CERS3: variants seen among roughly 807,000 people sequenced by gnomAD.
The protein encoded by CERS3 is ceramide synthase 3, also known as LAG1 homolog, ceramide synthase 3.
CERS3 carries 33 observed loss-of-function variants against 50.3 expected under a neutral mutation model. That is an observed-to-expected ratio of 0.66 (90% CI 0.50 to 0.88). CERS3 has a LOEUF of 0.88. Among genes scored for constraint, CERS3 ranks in the 40% least tolerant of loss-of-function variants. The pLI is 0.00. For missense variants in CERS3, 470 were observed against 460.3 expected, an observed-to-expected ratio of 1.02 and a Z score of -0.19; for synonymous variants, 176 against 155.2, an observed-to-expected ratio of 1.13 and a Z score of -0.99.
chr15:100,478,432 A>T (rs2035201784), intron 7 of CERS3, among the ~76,000 whole-genome samples: 1 of 151,996 alleles, frequency 6.6e-6, no homozygotes, highest in Non-Finnish European at 1.5e-5. Flanking sequence ...CATGTAGTTT[A>T]TGACTCACAG....
At chr15:100,433,199 G>A (rs1279405339) in intron 11 of CERS3, among the ~76,000 whole-genome samples, 1 of 149,968 alleles carries the variant, frequency 6.7e-6, no homozygotes, top group Non-Finnish European at 1.5e-5. Context: ...TCGCACTGCT[G>A]CACTCTGGCC....
chr15:100,435,677 T>G (rs2033367987), intron 11 of CERS3, among the ~76,000 whole-genome samples: 2 of 152,026 alleles, frequency 1.3e-5, no homozygotes, highest in Non-Finnish European at 2.9e-5. Flanking sequence ...AGCATCAGAG[T>G]GAACAGGCCA....
chr15:100,460,746 A>G (rs1596700211), intron 10 of CERS3, among the ~76,000 whole-genome samples: 2 of 152,282 alleles, frequency 1.3e-5, no homozygotes, highest in East Asian at 3.9e-4. Context: ...GCCCCTTACT[A>G]GGTCCCCTAT....
In CERS3 at chr15:100,466,737, TTTCCTTCCTTCCTTCC is replaced by T. The variant is rs1197426230; in HGVS notation, c.845+2625_845+2640del. Reference sequence around the variant, plus strand: ...CTGATTTTCTTATCTTCTTTCCTTCTTTCCTTCCTTCCTTCCTTCCTTCCTTCCTTCCTTCCTTCCT... The same window carrying T: ...CTGATTTTCTTATCTTCTTTCCTTCTTTCCTTCCTTCCTTCCTTCCTTCCT... On this transcript the variant is annotated intron_variant, in intron 10 of 11. Coordinates refer to ENST00000679737, the MANE Select transcript of CERS3 (RefSeq NM_001378789.1). Among the ~76,000 whole-genome samples the T allele has an allele frequency of 1.1e-4, 8 of 74,296 alleles. 1 individual carries two copies. Among genetic ancestry groups the T allele is most frequent in the East Asian group, 9.7e-4 (2 of 2,072 alleles). 48.7% of individuals were successfully genotyped at this position (74,296 alleles called of 152,430 possible).
intron 2 of CERS3, among the ~76,000 whole-genome samples, chr15:100,503,222 T>C (rs1005499579): frequency 1.3e-5 from 2 of 152,146 alleles, no homozygotes; most frequent in African/African-American, 4.8e-5. Context: ...AAGGCGCACA[T>C]AGAAAACTAC....
chr15:100,514,451 T>A (rs1596795478), intron 2 of CERS3, among the ~76,000 whole-genome samples: 1 of 152,254 alleles, frequency 6.6e-6, no homozygotes, highest in South Asian at 2.1e-4. Context: ...AGATAATAAA[T>A]TTTAGGAGTC....
chr15:100,474,354 T>C (rs575394774), intron 8 of CERS3, among the ~76,000 whole-genome samples: 130 of 152,330 alleles, frequency 8.5e-4, no homozygotes, highest in Non-Finnish European at 1.4e-3. Context: ...GTAAATACAA[T>C]ACCAATAATA....
intron 11 of CERS3, among the ~76,000 whole-genome samples, chr15:100,433,496 G>A (rs2033237310): frequency 6.6e-6 from 1 of 152,176 alleles, no homozygotes; most frequent in East Asian, 1.9e-4. Flanking sequence ...TCCAGTAACA[G>A]GTTAATGTCC....
intron 3 of CERS3, among the ~76,000 whole-genome samples, chr15:100,493,941 T>C (rs1040879438): frequency 2.6e-5 from 4 of 152,014 alleles, no homozygotes; most frequent in Non-Finnish European, 4.4e-5. Context: ...TCCAGTTCTT[T>C]GAACATATTT....
At chr15:100,465,252 A>G (rs1354929297) in intron 10 of CERS3, among the ~76,000 whole-genome samples, 1 of 152,164 alleles carries the variant, frequency 6.6e-6, no homozygotes, top group African/African-American at 2.4e-5. Flanking sequence ...GCCACCCTCC[A>G]ATGATACCTA....
chr15:100,409,670 TG>T (rs1473121312), intron 11 of CERS3, among the ~76,000 whole-genome samples: 1 of 152,224 alleles, frequency 6.6e-6, no homozygotes, highest in East Asian at 1.9e-4. Flanking sequence ...AAAATCAGCG[TG>T]AGTCCGTTTC....
chr15:100,485,082 CTTGTCCAAAACCTAAAA>C (rs2035446607), intron 4 of CERS3, among the ~76,000 whole-genome samples: 1 of 152,160 alleles, frequency 6.6e-6, no homozygotes, highest in African/African-American at 2.4e-5. Context: ...AGTTCAGTGA[CTTGTCCAAAACCTAAAA>C]TTAGAAGCAA....
At chr15:100,432,034 T>G (rs1013061508) in intron 11 of CERS3, among the ~76,000 whole-genome samples, 1 of 151,762 alleles carries the variant, frequency 6.6e-6, no homozygotes, top group Non-Finnish European at 1.5e-5. Context: ...CTGCCTTGTA[T>G]AGCATACTCC....
intron 11 of CERS3, among the ~76,000 whole-genome samples, chr15:100,416,127 G>GA (rs200322906): frequency 1.0e-5 from 1 of 98,122 alleles, no homozygotes; most frequent in Non-Finnish European, 2.4e-5. Flanking sequence ...CACAGAATTA[G>GA]AAAAATTATA....
chr15:100,404,237 G>A (rs1404491730), intron 11 of CERS3, among the ~76,000 whole-genome samples: 1 of 152,218 alleles, frequency 6.6e-6, no homozygotes, highest in Non-Finnish European at 1.5e-5. Flanking sequence ...TGAACTGTGA[G>A]AGAATACATT....
chr15:100,506,928 T>C (rs1196468582), intron 2 of CERS3, among the ~76,000 whole-genome samples: 1 of 152,210 alleles, frequency 6.6e-6, no homozygotes, highest in Non-Finnish European at 1.5e-5. Flanking sequence ...AATGGGTGAA[T>C]TGCATGGTAT....
intron 2 of CERS3, among the ~76,000 whole-genome samples, chr15:100,508,213 G>C (rs1464711296): frequency 6.6e-6 from 1 of 152,022 alleles, no homozygotes; most frequent in African/African-American, 2.4e-5. Context: ...GCTGACAGTG[G>C]GCACTCATTT....
Position 100,493,051 on chromosome 15 carries a change from T to C in CERS3, c.174-2120A>G, listed in dbSNP as rs185092980. ...TTCTGATCAACACAGATTTAGATTA[T>C]TGTTTTATACAATTGCCTTTTAAAT... On this transcript the variant is annotated intron_variant, in intron 3 of 11. Transcript: ENST00000679737. 2.9e-4 allele frequency among the ~76,000 whole-genome samples: 44 copies of C among 152,350 alleles called. 1 individual carries two copies. Among genetic ancestry groups the C allele is most frequent in the African/African-American group, 1.0e-3 (43 of 41,600 alleles).
At chr15:100,483,996 C>A (rs1004685062) in intron 5 of CERS3, among the ~76,000 whole-genome samples, 107 of 151,616 alleles carry the variant, frequency 7.1e-4, no homozygotes, top group African/African-American at 2.5e-3. Flanking sequence ...TCTTGATCTC[C>A]TGACCACCTC....
Sources: allele counts gnomAD v4.1 joint callset (sites outside exome capture counted in the v4.1 genomes callset), GRCh38; gene constraint gnomAD v4.1.1; transcripts MANE v1.5; gene names NCBI Gene and HGNC (gene_info 2026-07-23, HGNC 2026-07-21).